FHIT: variants seen among roughly 807,000 people sequenced by gnomAD.
FHIT encodes the protein fragile histidine triad diadenosine triphosphatase.
FHIT carries 19 observed loss-of-function variants against 17.9 expected under a neutral mutation model. That is an observed-to-expected ratio of 1.06 (90% CI 0.74 to 1.56). The LOEUF is 1.56. Among genes scored for constraint, FHIT ranks in the 40% most tolerant of loss-of-function variants. The pLI is 0.00. For synonymous variants in FHIT, 81 were observed against 69.7 expected (o/e 1.16, Z -0.81); for missense variants, 248 against 189.2 (o/e 1.31, Z -1.82).
At chr3:60,764,106 A>C (rs1173527042) in intron 4 of FHIT, among the ~76,000 whole-genome samples, 1 of 152,098 alleles carries the variant, frequency 6.6e-6, no homozygotes, top group African/African-American at 2.4e-5. Flanking sequence ...GGAAAGCCTA[A>C]CGCCTGACAT....
At chr3:60,300,370 C>A (rs1332777451) in intron 5 of FHIT, among the ~76,000 whole-genome samples, 1 of 152,046 alleles carries the variant, frequency 6.6e-6, no homozygotes, top group African/African-American at 2.4e-5. Context: ...ATATTCACAG[C>A]TTTACTTGAG....
Position 59,865,756 on chromosome 3 carries a change from C to T in FHIT, c.348+56590G>A, listed in dbSNP as rs576936876. 8.5e-4 allele frequency among the ~76,000 whole-genome samples: 130 copies of T among 152,266 alleles called. 4 individuals are homozygous for T. Among genetic ancestry groups the T allele is most frequent in the South Asian group, 6.2e-3 (30 of 4,818 alleles). On this transcript the variant is annotated intron_variant, in intron 8 of 9. Transcript: ENST00000492590. ...CAGCCAAGCTTTGGATTCAGGCAGG[C>T]GATGGTGGAAATGTACCCAGCCACT...
intron 4 of FHIT, among the ~76,000 whole-genome samples, chr3:60,684,342 A>G (rs559591823): frequency 6.6e-6 from 1 of 152,112 alleles, no homozygotes; most frequent in Admixed American, 6.5e-5. Flanking sequence ...TTTTGCAAAC[A>G]AGGTCACATT....
Position 60,780,554 on chromosome 3 carries a change from T to G in FHIT, c.-18+41365A>C, listed in dbSNP as rs116450399. On this transcript the variant is annotated intron_variant, in intron 4 of 9. Transcript: ENST00000492590. The stretch of plus-strand genomic sequence containing the variant: ...TTCTAATAACCTGGTTTGTCTGTTC[T>G]TGCCTTCAGGCCATTAAACTCTAAA... Among the ~76,000 whole-genome samples the G allele has an allele frequency of 7.0e-3, 1,064 of 152,342 alleles. 18 individuals carry two copies. Among genetic ancestry groups the G allele is most frequent in the African/African-American group, 0.024 (1,010 of 41,568 alleles).
At chr3:61,102,015 C>T (rs1386082246) in intron 2 of FHIT, among the ~76,000 whole-genome samples, 2 of 152,170 alleles carry the variant, frequency 1.3e-5, no homozygotes, top group East Asian at 1.9e-4. Context: ...GACAACTGGA[C>T]TTCCTCATTT....
At chr3:60,027,148 C>CACAAAAAAA (rs1553654525) in intron 5 of FHIT, among the ~76,000 whole-genome samples, 1 of 125,748 alleles carries the variant, frequency 8.0e-6, no homozygotes, top group African/African-American at 2.7e-5. Context: ...CACACACACA[C>CACAAAAAAA]AAAATTAGTA....
At chr3:60,874,329 G>A (rs1465340892) in intron 3 of FHIT, among the ~76,000 whole-genome samples, 11 of 152,158 alleles carry the variant, frequency 7.2e-5, no homozygotes, top group African/African-American at 2.7e-4. Flanking sequence ...AAGGCTGTGT[G>A]CATCCTAGGT....
At chr3:60,437,194 T>C (rs1277695503) in intron 5 of FHIT, among the ~76,000 whole-genome samples, 2 of 152,116 alleles carry the variant, frequency 1.3e-5, no homozygotes, top group African/African-American at 4.8e-5. Context: ...TGATCAATAG[T>C]TGGCATAAAT....
intron 3 of FHIT, among the ~76,000 whole-genome samples, chr3:60,988,961 A>C (rs1395156222): frequency 6.7e-6 from 1 of 148,532 alleles, no homozygotes; most frequent in Non-Finnish European, 1.5e-5. Context: ...AAAAAAAAAA[A>C]AAAAAAAAAA....
chr3:59,752,304 C>T lies in FHIT; in HGVS notation c.366G>A (p.Lys122=), dbSNP rs1401357941. ...ATCTCCAAGAGGCAGGAAAGTCCTC[C>T]TTGTCATGTTTCTGGAGCTTTGGAG... ...SIYEELQKHD[K]EDFPASWRSE... The change falls in exon 9 of 10, where the codon AAG becomes AAA. Residue 122 remains lysine, a synonymous_variant. Transcript: ENST00000492590. 10 of 1,612,052 alleles carry T rather than the reference C, an allele frequency of 6.2e-6. No individual in the cohort carries two copies. The highest frequency in any genetic ancestry group is 7.6e-6 in the Non-Finnish European group (9 of 1,179,352).
chr3:60,215,417 C>G (rs1407035910), intron 5 of FHIT, among the ~76,000 whole-genome samples: 2 of 151,274 alleles, frequency 1.3e-5, no homozygotes, highest in Non-Finnish European at 3.0e-5. Context: ...AGGCAGAGGT[C>G]ACAGTGAGCA....
At chr3:60,230,484 A>G (rs778200956) in intron 5 of FHIT, among the ~76,000 whole-genome samples, 1 of 152,176 alleles carries the variant, frequency 6.6e-6, no homozygotes, top group Non-Finnish European at 1.5e-5. Flanking sequence ...CAGAAAAAAA[A>G]TCACTTTCCG....
Position 60,414,301 on chromosome 3 carries a change from G to A in FHIT, c.103+122559C>T, listed in dbSNP as rs73094294. Among the ~76,000 whole-genome samples the A allele has an allele frequency of 4.2e-3, 635 of 152,234 alleles. 3 individuals carry two copies. The highest frequency in any genetic ancestry group is 0.01 in the Middle Eastern group (3 of 294). On this transcript the variant is annotated intron_variant, in intron 5 of 9. Coordinates refer to ENST00000492590, the MANE Select transcript of FHIT (RefSeq NM_002012.4). The stretch of plus-strand genomic sequence containing the variant: ...GTTCCCAGGTGATGCTGATGTCACC[G>A]AACTAGGAAGCACACTTTGCAGAAT...
intron 2 of FHIT, among the ~76,000 whole-genome samples, chr3:61,109,053 T>A (rs533499270): frequency 6.6e-6 from 1 of 152,142 alleles, no homozygotes; most frequent in Non-Finnish European, 1.5e-5. Flanking sequence ...TCACACTAAG[T>A]CCTAAATGAC....
intron 3 of FHIT, among the ~76,000 whole-genome samples, chr3:60,926,492 C>T (rs765503718): frequency 3.3e-5 from 5 of 152,266 alleles, no homozygotes; most frequent in East Asian, 3.9e-4. Context: ...GAAATAAAGA[C>T]GTTCTTTGAA....
In FHIT at chr3:60,318,271, A is replaced by G. The variant is rs577763416; in HGVS notation, c.103+218589T>C. ...TAACTGCTTGCCTTTTTCTTTGGAC[A>G]TCAAAAGAAAGAACTAACAAAAGGA... On this transcript the variant is annotated intron_variant, in intron 5 of 9. Coordinates refer to ENST00000492590, the MANE Select transcript of FHIT (RefSeq NM_002012.4). Among the ~76,000 whole-genome samples the G allele has an allele frequency of 1.3e-4, 20 of 152,316 alleles. No homozygotes were observed. The South Asian group carries it at 3.3e-3, about 25-fold the overall frequency.
Position 61,102,552 on chromosome 3 carries a change from G to C in FHIT, c.-163-60453C>G, listed in dbSNP as rs148967269. ...TGTCTCTTCCAGGCTTTGGTATCAG[G>C]ATGATGTTGGCCTCATAAAATGAGT... On this transcript the variant is annotated intron_variant, in intron 2 of 9. Transcript: ENST00000492590. Among the ~76,000 whole-genome samples the C allele has an allele frequency of 5.0e-4, 76 of 152,262 alleles. 1 individual carries two copies. In the East Asian group the frequency reaches 0.013, roughly 26 times the overall value.
chr3:61,213,970 C>T (rs1170455973), intron 1 of FHIT, among the ~76,000 whole-genome samples: 1 of 152,040 alleles, frequency 6.6e-6, no homozygotes, highest in Non-Finnish European at 1.5e-5. Flanking sequence ...AGAACAAAGA[C>T]ACAACATACC....
chr3:60,811,116 G>C lies in FHIT; in HGVS notation c.-18+10803C>G, dbSNP rs543775415. Among the ~76,000 whole-genome samples the C allele has an allele frequency of 1.5e-4, 23 of 152,196 alleles. No individual in the cohort carries two copies. In the South Asian group the frequency reaches 4.4e-3, roughly 29 times the overall value. On this transcript the variant is annotated intron_variant, in intron 4 of 9. Transcript: ENST00000492590. ...CGTAAAAGTCTTTCGCACAGTTACT[G>C]ACAACACAGGCATACTTAAATAGAG...
Sources: allele counts gnomAD v4.1 joint callset (sites outside exome capture counted in the v4.1 genomes callset), GRCh38; gene constraint gnomAD v4.1.1; transcripts MANE v1.5; gene names NCBI Gene and HGNC (gene_info 2026-07-23, HGNC 2026-07-21).